HEMK2: variants seen among roughly 807,000 people sequenced by gnomAD.
HEMK2 encodes HemK methyltransferase 2, ETF1 glutamine and histone H4 lysine.
At chr21:28,786,614 TG>T in the HEMK2 span, among the ~76,000 whole-genome samples, 2 of 148,940 alleles carry the variant, frequency 1.3e-5, no homozygotes, top group Non-Finnish European at 3.0e-5. Flanking sequence ...GAGGTTTCAG[TG>T]AGCCAAGATT....
At chr21:28,587,833 GAC>G in the HEMK2 span, among the ~76,000 whole-genome samples, 1 of 152,130 alleles carries the variant, frequency 6.6e-6, no homozygotes, top group Non-Finnish European at 1.5e-5. Flanking sequence ...AAGTTTTATT[GAC>G]CATCATAGTC....
chr21:28,678,979 G>T, the HEMK2 span, among the ~76,000 whole-genome samples: 1 of 152,146 alleles, frequency 6.6e-6, no homozygotes, highest in Non-Finnish European at 1.5e-5. Flanking sequence ...GGAAGAAAAC[G>T]CATCAACTAA....
chr21:28,636,291 A>G, the HEMK2 span, among the ~76,000 whole-genome samples: 1 of 152,234 alleles, frequency 6.6e-6, no homozygotes, highest in Non-Finnish European at 1.5e-5. Flanking sequence ...CACAGGTTAC[A>G]TGCAGCTTTC....
chr21:28,600,655 A>G, the HEMK2 span, among the ~76,000 whole-genome samples: 2 of 152,198 alleles, frequency 1.3e-5, no homozygotes, highest in Admixed American at 6.5e-5. Context: ...TTCTCCTCAG[A>G]AAATGGGTTT....
chr21:28,740,840 G>A, the HEMK2 span, among the ~76,000 whole-genome samples: 1 of 152,130 alleles, frequency 6.6e-6, no homozygotes, highest in African/African-American at 2.4e-5. Flanking sequence ...GTGGCCTTGA[G>A]TGAACCATAT....
the HEMK2 span, among the ~76,000 whole-genome samples, chr21:28,814,175 T>C: frequency 2.6e-5 from 4 of 152,038 alleles, no homozygotes; most frequent in African/African-American, 9.7e-5. Flanking sequence ...AGGCAGAGGT[T>C]GCAGTGAGCC....
At chr21:28,664,530 T>C in the HEMK2 span, among the ~76,000 whole-genome samples, 15 of 152,176 alleles carry the variant, frequency 9.9e-5, no homozygotes, top group Admixed American at 4.6e-4. Context: ...TGTACTACAG[T>C]TTATTCTTAT....
chr21:28,766,542 A>G, the HEMK2 span, among the ~76,000 whole-genome samples: 4 of 152,188 alleles, frequency 2.6e-5, no homozygotes, highest in South Asian at 8.3e-4. Flanking sequence ...TATGAAAAAG[A>G]CACATGCACA....
the HEMK2 span, among the ~76,000 whole-genome samples, chr21:28,744,870 T>C: frequency 2.0e-5 from 3 of 151,468 alleles, no homozygotes; most frequent in Non-Finnish European, 2.9e-5. Flanking sequence ...CAGTAAATTA[T>C]AAACCAAACA....
At chr21:28,642,740 G>T in the HEMK2 span, among the ~76,000 whole-genome samples, 2 of 152,228 alleles carry the variant, frequency 1.3e-5, no homozygotes, top group African/African-American at 4.8e-5. Context: ...CCTCTCTGAA[G>T]CCGCACCATC....
At chr21:28,660,778 C>T in the HEMK2 span, among the ~76,000 whole-genome samples, 1 of 151,790 alleles carries the variant, frequency 6.6e-6, no homozygotes, top group Admixed American at 6.6e-5. Context: ...TGATTGTTCC[C>T]CTATTACTAT....
At chr21:28,801,956 G>C in the HEMK2 span, among the ~76,000 whole-genome samples, 1 of 152,064 alleles carries the variant, frequency 6.6e-6, no homozygotes, top group Admixed American at 6.6e-5. Context: ...TATCTTTGGC[G>C]GCCAATTTGG....
chr21:28,813,426 G>A, the HEMK2 span, among the ~76,000 whole-genome samples: 1 of 152,152 alleles, frequency 6.6e-6, no homozygotes, highest in African/African-American at 2.4e-5. Context: ...GGAAGTAAGA[G>A]AGGACACAAA....
the HEMK2 span, among the ~76,000 whole-genome samples, chr21:28,824,977 G>A: frequency 6.6e-6 from 1 of 152,146 alleles, no homozygotes; most frequent in South Asian, 2.1e-4. Flanking sequence ...AACCCGTCTT[G>A]GGCAAACCTG....
the HEMK2 span, among the ~76,000 whole-genome samples, chr21:28,780,755 T>C: frequency 1.8e-4 from 27 of 152,228 alleles, no homozygotes. Context: ...CTAGACGTCA[T>C]GGGAGACTTA....
At chr21:28,700,858 T>G in the HEMK2 span, among the ~76,000 whole-genome samples, 3 of 148,868 alleles carry the variant, frequency 2.0e-5, no homozygotes, top group Admixed American at 1.3e-4. Flanking sequence ...AAGAACACTT[T>G]AGGACAATAT....
chr21:28,711,651 G>C, the HEMK2 span, among the ~76,000 whole-genome samples: 8 of 152,182 alleles, frequency 5.3e-5, no homozygotes, highest in African/African-American at 1.9e-4. Context: ...TCACATAAGA[G>C]CAAAGCAGCT....
chr21:28,831,468 A>G, the HEMK2 span, among the ~76,000 whole-genome samples: 5 of 29,244 alleles, frequency 1.7e-4, no homozygotes. Flanking sequence ...AGAACGAAAG[A>G]AAGAAAGAAA....
chr21:28,727,648 G>C, the HEMK2 span, among the ~76,000 whole-genome samples: 1 of 152,220 alleles, frequency 6.6e-6, no homozygotes. Flanking sequence ...GAAAAGAAGT[G>C]CATATAATAG....
Sources: allele counts gnomAD v4.1 joint callset (sites outside exome capture counted in the v4.1 genomes callset), GRCh38; gene constraint gnomAD v4.1.1; transcripts MANE v1.5; gene names NCBI Gene and HGNC (gene_info 2026-07-23, HGNC 2026-07-21).